The following PWWP2A variants were observed in gnomAD, a reference collection of about 807,000 sequenced individuals.
PWWP2A encodes PWWP domain containing 2A.
A neutral mutation model predicts 48.5 loss-of-function variants in PWWP2A; 18 were observed. That is an observed-to-expected ratio of 0.37 (90% CI 0.26 to 0.55). The LOEUF is 0.55. Among genes scored for constraint, PWWP2A ranks in the 20% least tolerant of loss-of-function variants. PWWP2A has a pLI of 0.81. For missense variants in PWWP2A, 867 were observed against 976.4 expected, an observed-to-expected ratio of 0.89 and a Z score of 1.49; for synonymous variants, 396 against 387.7, an observed-to-expected ratio of 1.02 and a Z score of -0.25.
At chr5:160,064,125 C>T (rs545976082) in intron 4 of PWWP2A, among the ~76,000 whole-genome samples, 36 of 152,178 alleles carry the variant, frequency 2.4e-4, no homozygotes, top group Middle Eastern at 3.4e-3. Flanking sequence ...TATGCCACCA[C>T]CCTCAGCTGA....
chr5:160,077,468 A>G lies in PWWP2A; in HGVS notation c.*687T>C, dbSNP rs1363640357. ...AAATGTGCACAAAATGTTAAATACT[A>G]GTGGCAAATAAATATATCTTAATAT... On this transcript the variant is annotated 3_prime_UTR_variant, in exon 4 of 4. Transcript: ENST00000456329. This position sits in a 1 kb window ranked among gnomAD's most constrained non-coding sequence, Gnocchi z 4.2. The G allele has an allele frequency of 2.0e-5, 3 of 152,254 alleles. No individual in the cohort carries two copies. The highest frequency in any genetic ancestry group is 4.4e-5 in the Non-Finnish European group (3 of 68,040). The allele number at this position is 152,254 out of a possible 1,614,324, so 9.4% of individuals were successfully genotyped here.
intron 1 of PWWP2A, chr5:160,108,694 C>T: frequency 1.3e-6 from 1 of 767,142 alleles, no homozygotes; most frequent in Admixed American, 2.4e-5. Flanking sequence ...CTTTCAAGAA[C>T]TTAGTGAAAA....
intron 1 of PWWP2A, among the ~76,000 whole-genome samples, chr5:160,112,759 A>G (rs1757722343): frequency 6.6e-6 from 1 of 152,106 alleles, no homozygotes; most frequent in Non-Finnish European, 1.5e-5. Context: ...TGAACTGCCC[A>G]AAGCTAAATC....
At chr5:160,065,050 AAAT>A (rs1454109847) in intron 4 of PWWP2A, 10 of 1,610,738 alleles carry the variant, frequency 6.2e-6, no homozygotes, top group Non-Finnish European at 8.5e-6. Context: ...TTCAAAATCC[AAAT>A]AATAACAGAT....
intron 1 of PWWP2A, chr5:160,108,507 T>C (rs1757125656): frequency 9.6e-7 from 1 of 1,039,094 alleles, no homozygotes; most frequent in Non-Finnish European, 1.3e-6. Context: ...GTTCTCAACC[T>C]GGACACTGTA....
the PWWP2A span, among the ~76,000 whole-genome samples, chr5:160,045,503 CACACACACACATACA>C: frequency 9.7e-6 from 1 of 103,212 alleles, no homozygotes; most frequent in African/African-American, 3.7e-5. Context: ...CACACACACA[CACACACACACATACA>C]CACTCTCTCT....
intron 2 of PWWP2A, among the ~76,000 whole-genome samples, chr5:160,082,069 T>TTAATAA (rs1754273370): frequency 6.6e-6 from 1 of 152,252 alleles, no homozygotes; most frequent in African/African-American, 2.4e-5. Flanking sequence ...GTATTTATCC[T>TTAATAA]TTTGTTCATG....
intron 1 of PWWP2A, among the ~76,000 whole-genome samples, chr5:160,096,768 T>C (rs964001321): frequency 3.3e-5 from 5 of 152,182 alleles, no homozygotes; most frequent in Non-Finnish European, 7.4e-5. Context: ...TAGTTGGGAC[T>C]ACAGGCACCT....
the PWWP2A span, among the ~76,000 whole-genome samples, chr5:160,047,910 C>T: frequency 2.6e-5 from 4 of 152,054 alleles, no homozygotes; most frequent in East Asian, 7.7e-4. Flanking sequence ...AGTACTATGG[C>T]TATTGAAATT....
intron 1 of PWWP2A, among the ~76,000 whole-genome samples, chr5:160,110,858 C>T (rs992195645): frequency 1.3e-5 from 2 of 151,160 alleles, no homozygotes; most frequent in Non-Finnish European, 2.9e-5. Context: ...ATGATGAAAT[C>T]CGTCTCTACT....
rs770427944 is a variant in PWWP2A at position 160,092,025 on chromosome 5, TAC to T, written c.*355_*356del. ...ATATACATACACGGATATATATATA[TAC>T]ACACACACACACGTATATATATGTA... is the stretch of plus-strand genomic sequence containing the variant. On this transcript the variant is annotated 3_prime_UTR_variant, in exon 2 of 2. Coordinates refer to ENST00000307063, the MANE Select transcript of PWWP2A (RefSeq NM_001130864.2). The T allele has an allele frequency of 0.024, 10,323 of 431,108 alleles. 1,379 individuals carry two copies. Among genetic ancestry groups the T allele is most frequent in the African/African-American group, 0.034 (1,340 of 39,918 alleles). 26.7% of individuals were successfully genotyped at this position (431,108 alleles called of 1,614,324 possible).
the PWWP2A span, among the ~76,000 whole-genome samples, chr5:160,044,705 C>T: frequency 6.6e-6 from 1 of 152,208 alleles, no homozygotes; most frequent in East Asian, 1.9e-4. Context: ...GCATCCTGTT[C>T]TGTCAGCAGG....
At chr5:160,104,876 CA>C in intron 1 of PWWP2A, among the ~76,000 whole-genome samples, 1 of 152,036 alleles carries the variant, frequency 6.6e-6, no homozygotes, top group Non-Finnish European at 1.5e-5. Flanking sequence ...TTTAAAATTA[CA>C]AAGAAGAACA....
the PWWP2A span, among the ~76,000 whole-genome samples, chr5:160,053,393 CA>C: frequency 6.6e-6 from 1 of 151,952 alleles, no homozygotes; most frequent in Non-Finnish European, 1.5e-5. Flanking sequence ...GGCAACATGG[CA>C]AAATCCTGTC....
the PWWP2A span, among the ~76,000 whole-genome samples, chr5:160,044,368 C>T: frequency 6.6e-6 from 1 of 152,296 alleles, no homozygotes; most frequent in East Asian, 1.9e-4. Context: ...AGAATGGCTA[C>T]TCCATAGGCA....
downstream of PWWP2A, among the ~76,000 whole-genome samples, chr5:160,058,802 GA>G (rs1757618564): frequency 1.3e-5 from 2 of 152,166 alleles, no homozygotes; most frequent in Admixed American, 1.3e-4. Flanking sequence ...TAGGAGGTTT[GA>G]AAACAACTTT....
At chr5:160,091,153 AT>A, downstream of PWWP2A, 1 of 977,816 alleles carries the variant, frequency 1.0e-6, no homozygotes, top group Non-Finnish European at 1.2e-6. Context: ...ACAAAATCTT[AT>A]TTTGAGAATA....
At chr5:160,046,722 T>G in the PWWP2A span, among the ~76,000 whole-genome samples, 1 of 152,072 alleles carries the variant, frequency 6.6e-6, no homozygotes, top group Non-Finnish European at 1.5e-5. Flanking sequence ...CCTAAGAAAT[T>G]AGAGCAACAG....
At chr5:160,094,168 C>A in intron 1 of PWWP2A, 103 bp from the exon 2 acceptor site, 1 of 1,286,774 alleles carries the variant, frequency 7.8e-7, no homozygotes, top group Non-Finnish European at 1.0e-6. Flanking sequence ...TAACCTTTCC[C>A]GAAAACTATT....
Sources: gnomAD v4.1 joint callset for allele counts (sites outside exome capture counted in the v4.1 genomes callset) on GRCh38, gnomAD v4.1.1 for gene constraint, Gnocchi (gnomAD v3.1) non-coding constraint, MANE v1.5 for transcripts, NCBI Gene and HGNC (gene_info 2026-07-23, HGNC 2026-07-21) for gene names.